Variants in CES4A observed in about 807,000 individuals in gnomAD.
CES4A encodes the protein carboxylesterase 6.
CES4A carries 48 observed loss-of-function variants against 65.4 expected under a neutral mutation model. The ratio of observed to expected loss-of-function variants is 0.73; its 90% CI spans 0.58 to 0.93. The LOEUF (loss-of-function observed/expected upper bound fraction) is 0.93, where lower values mean the gene tolerates loss of function less well. CES4A is among the 40% of genes least tolerant of loss of function. The pLI, the probability that CES4A is intolerant of heterozygous loss-of-function variation, is 0.00. For synonymous variants in CES4A, 247 were observed against 281.8 expected, an observed-to-expected ratio of 0.88 and a Z score of 1.24; for missense variants, 685 against 728.5, an observed-to-expected ratio of 0.94 and a Z score of 0.69.
At chr16:66,997,216 G>A (rs762506062) in intron 2 of CES4A, among the ~76,000 whole-genome samples, 8 of 152,192 alleles carry the variant, frequency 5.3e-5, no homozygotes, top group Non-Finnish European at 1.0e-4. Flanking sequence ...CCAAAGATCA[G>A]GTGACAGAAC....
At chr16:66,991,149 C>T (rs891110281) in intron 1 of CES4A, among the ~76,000 whole-genome samples, 4 of 151,998 alleles carry the variant, frequency 2.6e-5, no homozygotes, top group African/African-American at 4.8e-5. Context: ...CTCAGCCTCC[C>T]GAGTAGCTGG....
chr16:67,006,098 G>C (rs1232615213), intron 11 of CES4A: 3 of 367,980 alleles, frequency 8.2e-6, no homozygotes, highest in African/African-American at 6.2e-5. Context: ...AGAAAGGAAG[G>C]TTCAGAACAG....
Position 67,000,762 on chromosome 16 carries a change from G to C in CES4A, c.385G>C (p.Gly129Arg). The C allele has an allele frequency of 6.5e-7, 1 of 1,549,030 alleles. No individual in the cohort carries two copies. Among genetic ancestry groups the C allele is most frequent in the Non-Finnish European group, 8.7e-7 (1 of 1,146,076 alleles). ...CGTGTACGCGCCGGCGCGCGCGCCC[G>C]GGGATCCCCAGCTGCCAGTGAGTGC... The change falls in exon 3 of 14, where the codon GGG (glycine) becomes CGG (arginine). Residue 129 changes from glycine to arginine, a missense_variant. Coordinates refer to ENST00000648724, the Ensembl canonical transcript of CES4A. This position sits in a 1 kb window ranked among gnomAD's most constrained non-coding sequence, Gnocchi z 4.2.
Position 67,000,995 on chromosome 16 carries a change from CG to C in CES4A, c.536+9del. The C allele has an allele frequency of 6.8e-7, 1 of 1,468,066 alleles. No individual in the cohort carries two copies. Among genetic ancestry groups the C allele is most frequent in the Non-Finnish European group, 9.2e-7 (1 of 1,088,016 alleles). The allele number at this position is 1,468,066 out of a possible 1,614,324, so 90.9% of individuals were successfully genotyped here. A position where few individuals can be genotyped will look rare whatever the true frequency, so the allele number is the denominator to read the frequency against. On this transcript the variant is annotated splice_donor_region_variant and intron_variant, in intron 4 of 13. Coordinates refer to ENST00000648724, the Ensembl canonical transcript of CES4A. This position sits in a 1 kb window ranked among gnomAD's most constrained non-coding sequence, Gnocchi z 4.2. ...CGGCATCTTCGGCTTCCTGAGGTGGCGGGGCCGGTACCCTTTGGGACCGCAG... is the reference window on the plus strand; with the variant it reads ...CGGCATCTTCGGCTTCCTGAGGTGGCGGGCCGGTACCCTTTGGGACCGCAG...
chr16:66,989,001 C>T (rs1027491880), intron 1 of CES4A, among the ~76,000 whole-genome samples, 171 bp downstream of exon 1: 2 of 152,196 alleles, frequency 1.3e-5, no homozygotes, highest in East Asian at 1.9e-4. Context: ...AGCTGGGAGT[C>T]TGGACAAGTC....
At chr16:67,008,324 G>C (rs1036684900) in intron 13 of CES4A, 3 of 152,040 alleles carry the variant, frequency 2.0e-5, no homozygotes, top group Admixed American at 2.0e-4. Context: ...CCTCAACCTT[G>C]CGTGAAAGGC....
intron 2 of CES4A, among the ~76,000 whole-genome samples, chr16:66,996,765 G>A (rs987150098): frequency 6.6e-6 from 1 of 152,130 alleles, no homozygotes; most frequent in Non-Finnish European, 1.5e-5. Context: ...GTTAAAAACA[G>A]GTTGTTGGCT....
chr16:67,004,497 C>G (rs1597093122), intron 9 of CES4A, among the ~76,000 whole-genome samples: 1 of 152,124 alleles, frequency 6.6e-6, no homozygotes, highest in Admixed American at 6.5e-5. Flanking sequence ...ATGTTCATTC[C>G]CAAGCCTCTA....
chr16:67,004,337 C>A, intron 9 of CES4A, 113 bp downstream of exon 9: 1 of 1,188,884 alleles, frequency 8.4e-7, no homozygotes. Context: ...TGCCAGTAGC[C>A]CCTCTGTGGA....
At chr16:67,006,353 GC>G in intron 11 of CES4A, 37 bp from the exon 12 acceptor site, 1 of 1,535,902 alleles carries the variant, frequency 6.5e-7, no homozygotes, top group Non-Finnish European at 8.7e-7. Context: ...CTAGGCAGAG[GC>G]TTTTCCTGCA....
Position 67,003,175 on chromosome 16 carries a change from G to A in CES4A, c.795+1G>A. On this transcript the variant is annotated splice_donor_variant, in intron 6 of 13. Coordinates refer to ENST00000648724, the Ensembl canonical transcript of CES4A. LOFTEE classifies it high-confidence loss of function. This position sits in a 1 kb window ranked among gnomAD's most constrained non-coding sequence, Gnocchi z 4.2. ...TAGTAACCCACTGAAAGTGGCCAAG[G>A]TGAGTGCCTCTCCTTCCCCAGGGCT... 1 of 1,613,596 alleles carries A rather than the reference G, an allele frequency of 6.2e-7. No individual in the cohort carries two copies. Among genetic ancestry groups the A allele is most frequent in the Non-Finnish European group, 8.5e-7 (1 of 1,179,506 alleles).
At chr16:66,990,615 C>T (rs937655648) in intron 1 of CES4A, among the ~76,000 whole-genome samples, 4 of 151,952 alleles carry the variant, frequency 2.6e-5, no homozygotes, top group African/African-American at 9.7e-5. Flanking sequence ...GAGAGGCTCA[C>T]TTGAGTTTGG....
exon 14 of CES4A, chr16:67,009,154 C>T: frequency 6.2e-7 from 1 of 1,607,508 alleles, no homozygotes; most frequent in Non-Finnish European, 8.5e-7. Flanking sequence ...GGTGGCTATG[C>T]AGGAAGGAGC....
exon 2 of CES4A, chr16:66,995,774 C>A: frequency 3.7e-6 from 6 of 1,614,224 alleles, no homozygotes; most frequent in Non-Finnish European, 5.1e-6. Context: ...GTTTGCACCT[C>A]CAGAACCCCC....
chr16:66,990,859 A>ATAT (rs1964331262), intron 1 of CES4A, among the ~76,000 whole-genome samples: 2 of 152,112 alleles, frequency 1.3e-5, no homozygotes, highest in Admixed American at 1.3e-4. Context: ...TGGTCCCCAG[A>ATAT]TATAAATGAT....
At chr16:67,004,639 G>T (rs144605267) in intron 9 of CES4A, among the ~76,000 whole-genome samples, 154 bp from the exon 10 acceptor site, 76 of 152,256 alleles carry the variant, frequency 5.0e-4, no homozygotes, top group African/African-American at 1.7e-3. Context: ...GGAGCAGGGG[G>T]ACAAGAGAGA....
At chr16:66,999,316 C>A (rs914891322) in intron 2 of CES4A, among the ~76,000 whole-genome samples, 1 of 152,170 alleles carries the variant, frequency 6.6e-6, no homozygotes, top group Non-Finnish European at 1.5e-5. Flanking sequence ...GGGGTTGGGC[C>A]AGCAAGGAGA....
chr16:67,006,628 G>C (rs1461369080), intron 12 of CES4A, 109 bp downstream of exon 12: 1 of 1,540,974 alleles, frequency 6.5e-7, no homozygotes, highest in Non-Finnish European at 8.9e-7. Context: ...TTCCTAATCT[G>C]TTATGCTCTC....
chr16:67,005,382 A>T, exon 11 of CES4A: 1 of 1,613,814 alleles, frequency 6.2e-7, no homozygotes, highest in Non-Finnish European at 8.5e-7. Context: ...CAGACTGCTC[A>T]CTACCACCGA....
Sources: gnomAD v4.1 joint callset for allele counts (sites outside exome capture counted in the v4.1 genomes callset) on GRCh38, gnomAD v4.1.1 for gene constraint, Gnocchi (gnomAD v3.1) non-coding constraint, MANE v1.5 for transcripts, NCBI Gene and HGNC (gene_info 2026-07-23, HGNC 2026-07-21) for gene names.